The following RBFOX1 variants were observed in gnomAD, a reference collection of about 807,000 sequenced individuals.
RBFOX1 encodes the protein RNA binding protein fox-1 homolog 1.
In RBFOX1, 8 loss-of-function variants were observed where a neutral mutation model predicts 57.7. That is an observed-to-expected ratio of 0.14 (90% CI 0.08 to 0.25). The LOEUF is 0.25. Ranked by LOEUF, RBFOX1 falls within the 10% of genes least tolerant of loss-of-function variation. The pLI is 1.00. For missense variants in RBFOX1, 611 were observed against 548.5 expected (o/e 1.11, Z -1.14); for synonymous variants, 326 against 222.4 (o/e 1.47, Z -4.15).
In RBFOX1 at chr16:7,427,133, G is replaced by A. The variant is rs542155294; in HGVS notation, c.28-91014G>A. ...CCTGTCATGCAGTGGGGGGAGCGGA[G>A]AGGGATAGCATTAGGAGAAATACCT... is the stretch of plus-strand genomic sequence containing the variant. On this transcript the variant is annotated intron_variant, in intron 4 of 15. Coordinates refer to ENST00000550418, the MANE Select transcript of RBFOX1 (RefSeq NM_018723.4). 8.5e-5 allele frequency among the ~76,000 whole-genome samples: 13 copies of A among 152,298 alleles called. No homozygotes were observed. In the South Asian group the frequency reaches 2.5e-3, roughly 29 times the overall value.
chr16:7,506,293 C>G (rs533866921), intron 4 of RBFOX1, among the ~76,000 whole-genome samples: 1 of 150,916 alleles, frequency 6.6e-6, no homozygotes, highest in African/African-American at 2.4e-5. Flanking sequence ...GAATTCATCT[C>G]CAAGTATTTA....
At chr16:6,586,267 A>G (rs1476965) in intron 2 of RBFOX1, among the ~76,000 whole-genome samples, 58,240 of 152,044 alleles carry the variant, frequency 0.38, 12,266 homozygotes, top group Non-Finnish European at 0.47. Context: ...TCTTTGAACC[A>G]CTCGTCTTAC....
chr16:5,543,496 G>A (rs2045053839), intron 2 of RBFOX1, among the ~76,000 whole-genome samples: 1 of 152,084 alleles, frequency 6.6e-6, no homozygotes, highest in Non-Finnish European at 1.5e-5. Flanking sequence ...TAAACACATA[G>A]AGAACAATAA....
chr16:5,774,091 G>A (rs1463023491), intron 3 of RBFOX1, among the ~76,000 whole-genome samples: 5 of 152,178 alleles, frequency 3.3e-5, no homozygotes, highest in African/African-American at 1.2e-4. Flanking sequence ...TTTATATGTA[G>A]TTTCATGGTT....
In RBFOX1 at chr16:6,200,710, G is replaced by T. The variant is rs997235599; in HGVS notation, c.-126-116285G>T. Among the ~76,000 whole-genome samples, 3 of 152,302 alleles carry T rather than the reference G, an allele frequency of 2.0e-5. No individual in the cohort carries two copies. In the East Asian group the frequency reaches 5.8e-4, roughly 29 times the overall value. ...GAAGTTCACAAGTTTGCTTGGGGAA[G>T]GACACGTCTGAAGGGTTGTGTCTTG... On this transcript the variant is annotated intron_variant, in intron 1 of 15. Coordinates refer to ENST00000550418, the MANE Select transcript of RBFOX1 (RefSeq NM_018723.4).
intron 1 of RBFOX1, among the ~76,000 whole-genome samples, chr16:6,275,870 A>G (rs1270556127): frequency 2.6e-5 from 4 of 152,180 alleles, no homozygotes; most frequent in East Asian, 1.9e-4. Flanking sequence ...ATTTTAAACA[A>G]TTTTGTCATC....
At chr16:6,797,762 T>G (rs150372390) in intron 3 of RBFOX1, among the ~76,000 whole-genome samples, 190 of 152,260 alleles carry the variant, frequency 1.2e-3, no homozygotes, top group Middle Eastern at 3.4e-3. Flanking sequence ...TTATACCTGG[T>G]TTTATGATGT....
At chr16:6,078,408 GGAT>G (rs1046824570) in intron 1 of RBFOX1, among the ~76,000 whole-genome samples, 2 of 150,734 alleles carry the variant, frequency 1.3e-5, no homozygotes, top group African/African-American at 4.9e-5. Context: ...CGTTTTTGGG[GGAT>G]TTTTTTTTTT....
chr16:6,355,032 C>G (rs1026892510), intron 2 of RBFOX1, among the ~76,000 whole-genome samples: 6 of 152,148 alleles, frequency 3.9e-5, no homozygotes, highest in African/African-American at 1.2e-4. Flanking sequence ...GCCTGACTTC[C>G]CAGTAGCAAA....
intron 7 of RBFOX1, among the ~76,000 whole-genome samples, chr16:7,593,969 A>G (rs17144261): frequency 0.061 from 9,218 of 152,112 alleles, 335 homozygotes; most frequent in African/African-American, 0.08. Flanking sequence ...CCCATTGCAC[A>G]ATACTTTTTT....
At chr16:6,398,024 A>C (rs947361114) in intron 2 of RBFOX1, among the ~76,000 whole-genome samples, 1 of 152,200 alleles carries the variant, frequency 6.6e-6, no homozygotes, top group African/African-American at 2.4e-5. Context: ...AGCAAACCAT[A>C]AACATAAGTC....
intron 1 of RBFOX1, among the ~76,000 whole-genome samples, chr16:5,445,458 A>G (rs1428570182): frequency 1.3e-5 from 2 of 152,154 alleles, no homozygotes; most frequent in Non-Finnish European, 2.9e-5. Flanking sequence ...ATAGTGTGCA[A>G]TATATAGTAG....
chr16:7,080,625 G>C (rs933253786), intron 4 of RBFOX1, among the ~76,000 whole-genome samples: 1 of 152,022 alleles, frequency 6.6e-6, no homozygotes, highest in Non-Finnish European at 1.5e-5. Flanking sequence ...ATGTTCTCTT[G>C]GGGTACACTC....
intron 4 of RBFOX1, among the ~76,000 whole-genome samples, chr16:7,412,720 T>A (rs991460856): frequency 3.3e-5 from 5 of 152,224 alleles, no homozygotes; most frequent in African/African-American, 9.6e-5. Flanking sequence ...ATGGCTTTTT[T>A]AAATTCAGAT....
rs556993491 is a variant in RBFOX1 at position 6,013,417 on chromosome 16, C to A, written c.351+146082C>A. On this transcript the variant is annotated intron_variant, in intron 4 of 19. Transcript: ENST00000641259. ...CCATTTGGTGCTGCAGATTACTGAA[C>A]CTCCCTTTGTATTTTTTTACTCTAA... is the stretch of plus-strand genomic sequence containing the variant. Among the ~76,000 whole-genome samples the A allele has an allele frequency of 1.9e-3, 286 of 152,234 alleles. 2 individuals are homozygous for A. Among genetic ancestry groups the A allele is most frequent in the African/African-American group, 6.7e-3 (280 of 41,550 alleles).
At chr16:6,537,349 G>A (rs1403124707) in intron 2 of RBFOX1, among the ~76,000 whole-genome samples, 1 of 152,166 alleles carries the variant, frequency 6.6e-6, no homozygotes, top group African/African-American at 2.4e-5. Context: ...ATCCAGAGGA[G>A]AAATGAAATA....
At chr16:7,218,207 TTA>T (rs1484439876) in intron 4 of RBFOX1, among the ~76,000 whole-genome samples, 1 of 152,218 alleles carries the variant, frequency 6.6e-6, no homozygotes, top group Non-Finnish European at 1.5e-5. Flanking sequence ...AGTTTAAACC[TTA>T]TGTCTTATTT....
intron 4 of RBFOX1, among the ~76,000 whole-genome samples, chr16:7,065,012 C>T (rs2055602759): frequency 1.3e-5 from 2 of 152,158 alleles, no homozygotes; most frequent in African/African-American, 4.8e-5. Flanking sequence ...CAGATGGACG[C>T]AGCAATCCTC....
At chr16:5,497,883 T>C (rs2151688663) in intron 2 of RBFOX1, among the ~76,000 whole-genome samples, 1 of 152,290 alleles carries the variant, frequency 6.6e-6, no homozygotes, top group South Asian at 2.1e-4. Flanking sequence ...TTAGGTAGTT[T>C]GTCCCTCTGA....
Sources: allele counts gnomAD v4.1 joint callset (sites outside exome capture counted in the v4.1 genomes callset), GRCh38; gene constraint gnomAD v4.1.1; transcripts MANE v1.5; gene names NCBI Gene and HGNC (gene_info 2026-07-23, HGNC 2026-07-21).